The following FAM13A variants were observed in gnomAD, a reference collection of about 807,000 sequenced individuals.
FAM13A encodes protein FAM13A.
FAM13A carries 76 observed loss-of-function variants against 129.6 expected under a neutral mutation model. The ratio of observed to expected loss-of-function variants is 0.59; its 90% confidence interval spans 0.49 to 0.71. The LOEUF is 0.71. Ranked by LOEUF, FAM13A falls within the 30% of genes least tolerant of loss-of-function variation. FAM13A has a pLI of 0.00. For missense variants in FAM13A, 1,108 were observed against 1,249.3 expected, an observed-to-expected ratio of 0.89 and a Z score of 1.70; for synonymous variants, 443 against 449.9, an observed-to-expected ratio of 0.98 and a Z score of 0.20.
At chr4:88,924,338 A>G (rs996143155) in intron 5 of FAM13A, among the ~76,000 whole-genome samples, 8 of 152,326 alleles carry the variant, frequency 5.3e-5, no homozygotes, top group African/African-American at 1.9e-4. Flanking sequence ...ACAGCATGGT[A>G]CTGGTACCAA....
In FAM13A at chr4:88,922,927, C is replaced by T. The variant is rs1053677455; in HGVS notation, c.759+15161G>A. ...TCAGAGAATACTACAAACACCTCTA[C>T]GCAAATAAACTAGAAAATCTAGAAG... On this transcript the variant is annotated intron_variant, in intron 5 of 23. Transcript: ENST00000264344. Among the ~76,000 whole-genome samples the T allele has an allele frequency of 2.0e-3, 304 of 152,130 alleles. 1 individual carries two copies. Among genetic ancestry groups the T allele is most frequent in the African/African-American group, 6.6e-3 (274 of 41,498 alleles).
At chr4:89,045,502 A>G (rs1001106747) in intron 1 of FAM13A, among the ~76,000 whole-genome samples, 1 of 152,234 alleles carries the variant, frequency 6.6e-6, no homozygotes, top group African/African-American at 2.4e-5. Context: ...TGTTTAAATA[A>G]AAGTGCTTTG....
At chr4:88,874,984 C>G (rs903230464) in intron 6 of FAM13A, among the ~76,000 whole-genome samples, 30 of 152,220 alleles carry the variant, frequency 2.0e-4, no homozygotes, top group African/African-American at 7.2e-4. Flanking sequence ...AGAAATAACA[C>G]CACACATCTA....
intron 4 of FAM13A, among the ~76,000 whole-genome samples, chr4:88,951,780 G>T (rs746763486): frequency 6.6e-6 from 1 of 151,876 alleles, no homozygotes; most frequent in East Asian, 1.9e-4. Context: ...TTTAACCTTC[G>T]ATCACAGCAT....
chr4:88,762,928 C>T (rs576161579), intron 13 of FAM13A, among the ~76,000 whole-genome samples: 5 of 152,142 alleles, frequency 3.3e-5, no homozygotes, highest in Middle Eastern at 6.8e-3. Context: ...ATCCTTGTAC[C>T]GTGATGTCAT....
intron 23 of FAM13A, chr4:88,729,804 T>A (rs961956995): frequency 2.6e-5 from 4 of 152,214 alleles, no homozygotes; most frequent in Admixed American, 6.5e-5. Context: ...TATCTGTGCA[T>A]AATGTGACTT....
chr4:88,828,007 C>A (rs910557539), intron 7 of FAM13A, among the ~76,000 whole-genome samples: 4 of 152,214 alleles, frequency 2.6e-5, no homozygotes, highest in Non-Finnish European at 5.9e-5. Context: ...ATTTTCAAAT[C>A]TGCCCTGAAC....
chr4:88,838,808 C>T (rs1158967427), intron 7 of FAM13A, among the ~76,000 whole-genome samples: 1 of 152,062 alleles, frequency 6.6e-6, no homozygotes, highest in African/African-American at 2.4e-5. Flanking sequence ...GCAGTACTTG[C>T]ACTTTTACCT....
intron 3 of FAM13A, among the ~76,000 whole-genome samples, chr4:88,996,498 A>G: frequency 6.6e-6 from 1 of 152,246 alleles, no homozygotes; most frequent in East Asian, 1.9e-4. Context: ...AATCATTCCG[A>G]AAACATTTAT....
intron 21 of FAM13A, among the ~76,000 whole-genome samples, chr4:88,733,413 T>G (rs1359844919): frequency 6.6e-6 from 1 of 152,254 alleles, no homozygotes; most frequent in African/African-American, 2.4e-5. Context: ...CTTTAAATTG[T>G]TAAAAACATT....
At chr4:89,046,172 G>C (rs1370606349) in intron 1 of FAM13A, among the ~76,000 whole-genome samples, 2 of 151,968 alleles carry the variant, frequency 1.3e-5, no homozygotes, top group Non-Finnish European at 2.9e-5. Flanking sequence ...CAAACTACCA[G>C]AGAACAAATT....
chr4:88,938,028 A>T, intron 5 of FAM13A, 60 bp downstream of exon 5: 1 of 1,305,974 alleles, frequency 7.7e-7, no homozygotes, highest in Non-Finnish European at 1.1e-6. Flanking sequence ...AGAAAGAATT[A>T]AATAAAATCT....
chr4:88,769,069 G>A (rs1391320602), intron 11 of FAM13A, among the ~76,000 whole-genome samples: 1 of 152,172 alleles, frequency 6.6e-6, no homozygotes, highest in Non-Finnish European at 1.5e-5. Context: ...CACTCATCCT[G>A]TGTCATCAAA....
intron 5 of FAM13A, among the ~76,000 whole-genome samples, chr4:88,935,688 T>C (rs1483441189): frequency 6.6e-6 from 1 of 152,218 alleles, no homozygotes; most frequent in Non-Finnish European, 1.5e-5. Flanking sequence ...AATGTTTCTA[T>C]GATCTTTACA....
chr4:88,938,675 T>C (rs1368477230), intron 4 of FAM13A, among the ~76,000 whole-genome samples: 1 of 152,166 alleles, frequency 6.6e-6, no homozygotes, highest in African/African-American at 2.4e-5. Context: ...TGAATACTTC[T>C]GGGGAAAAAT....
At chr4:89,021,774 T>C (rs1767288664) in intron 2 of FAM13A, among the ~76,000 whole-genome samples, 1 of 151,394 alleles carries the variant, frequency 6.6e-6, no homozygotes, top group South Asian at 2.1e-4. Flanking sequence ...GGAAAAGAAG[T>C]GAAAAACAAA....
At chr4:89,036,899 C>T (rs990784703) in intron 1 of FAM13A, among the ~76,000 whole-genome samples, 19 of 152,212 alleles carry the variant, frequency 1.2e-4, no homozygotes, top group Non-Finnish European at 5.9e-5. Flanking sequence ...TATGGGTGCA[C>T]AGAGGGCAAA....
At chr4:88,942,402 A>T (rs796429508) in intron 4 of FAM13A, among the ~76,000 whole-genome samples, 1 of 151,974 alleles carries the variant, frequency 6.6e-6, no homozygotes, top group Non-Finnish European at 1.5e-5. Flanking sequence ...CCCCGTCTCT[A>T]CTAAAAATAC....
intron 4 of FAM13A, among the ~76,000 whole-genome samples, chr4:88,987,957 C>T (rs1447289285): frequency 1.3e-5 from 2 of 150,950 alleles, no homozygotes; most frequent in Admixed American, 1.3e-4. Flanking sequence ...TCAGACAAAT[C>T]CACACTGCAC....
Sources: gnomAD v4.1 joint callset for allele counts (sites outside exome capture counted in the v4.1 genomes callset) on GRCh38, gnomAD v4.1.1 for gene constraint, MANE v1.5 for transcripts, NCBI Gene and HGNC (gene_info 2026-07-23, HGNC 2026-07-21) for gene names.